GPC5: variants seen among roughly 807,000 people sequenced by gnomAD.
GPC5 encodes glypican 5.
GPC5 carries 47 observed loss-of-function variants against 53.9 expected under a neutral mutation model. The observed-to-expected ratio is 0.87, with a 90% CI of 0.69 to 1.11. The LOEUF is 1.11. Ranked by LOEUF, GPC5 falls within the 50% of genes most tolerant of loss-of-function variation. GPC5 has a pLI of 0.00. For missense variants in GPC5, 748 were observed against 713.1 expected (o/e 1.05, Z -0.56); for synonymous variants, 286 against 263.3 (o/e 1.09, Z -0.84).
chr13:92,259,948 C>T (rs957605636), intron 7 of GPC5, among the ~76,000 whole-genome samples: 8 of 152,274 alleles, frequency 5.3e-5, no homozygotes, highest in African/African-American at 9.6e-5. Context: ...ACCCAAATCT[C>T]GTAGGGACAG....
intron 6 of GPC5, among the ~76,000 whole-genome samples, chr13:91,985,789 C>A (rs2040401251): frequency 2.0e-5 from 3 of 151,964 alleles, no homozygotes. Context: ...GTTATAAACC[C>A]TACAGGGGAA....
At chr13:92,520,606 A>T (rs986496346) in intron 7 of GPC5, among the ~76,000 whole-genome samples, 1 of 152,166 alleles carries the variant, frequency 6.6e-6, no homozygotes, top group Non-Finnish European at 1.5e-5. Context: ...ACTCTCAATA[A>T]ATTAGGTATT....
chr13:91,892,854 A>T (rs921035748), intron 5 of GPC5, among the ~76,000 whole-genome samples: 1 of 151,950 alleles, frequency 6.6e-6, no homozygotes, highest in Non-Finnish European at 1.5e-5. Context: ...TTTAAATTAA[A>T]CAAAAAGTTT....
At chr13:92,437,732 CTG>C (rs748823376) in intron 7 of GPC5, among the ~76,000 whole-genome samples, 3 of 151,954 alleles carry the variant, frequency 2.0e-5, no homozygotes, top group Non-Finnish European at 4.4e-5. Context: ...ATTGGGTCCT[CTG>C]TATAAATCTC....
intron 7 of GPC5, among the ~76,000 whole-genome samples, chr13:92,479,140 C>A (rs557247151): frequency 1.3e-5 from 2 of 152,004 alleles, no homozygotes; most frequent in South Asian, 4.2e-4. Context: ...AATTGAAAGT[C>A]CTATTTATAG....
intron 7 of GPC5, among the ~76,000 whole-genome samples, chr13:92,162,585 C>A (rs114026458): frequency 6.6e-6 from 1 of 152,118 alleles, no homozygotes; most frequent in Non-Finnish European, 1.5e-5. Context: ...ACTACAAAAA[C>A]GTGAAGCAGA....
intron 5 of GPC5, among the ~76,000 whole-genome samples, chr13:91,785,341 T>A (rs2037861554): frequency 6.6e-6 from 1 of 152,176 alleles, no homozygotes; most frequent in African/African-American, 2.4e-5. Flanking sequence ...TAGATGCCAC[T>A]AGTAATTCAT....
At chr13:92,133,489 GT>G (rs2041761139) in intron 6 of GPC5, among the ~76,000 whole-genome samples, 1 of 152,156 alleles carries the variant, frequency 6.6e-6, no homozygotes, top group Non-Finnish European at 1.5e-5. Context: ...CCAAAACCAA[GT>G]TTTAAAGGAA....
At chr13:91,915,233 A>G (rs1221389336) in intron 6 of GPC5, among the ~76,000 whole-genome samples, 1 of 152,214 alleles carries the variant, frequency 6.6e-6, no homozygotes, top group Non-Finnish European at 1.5e-5. Context: ...TGCACGCTCA[A>G]TAACTTTCAA....
chr13:91,657,091 T>C (rs1443235701), intron 2 of GPC5, among the ~76,000 whole-genome samples: 1 of 152,128 alleles, frequency 6.6e-6, no homozygotes, highest in African/African-American at 2.4e-5. Context: ...CATGGAATGT[T>C]TTAAGCAAGG....
At chr13:92,697,268 A>G (rs1311491842) in intron 7 of GPC5, among the ~76,000 whole-genome samples, 1 of 152,176 alleles carries the variant, frequency 6.6e-6, no homozygotes, top group Non-Finnish European at 1.5e-5. Flanking sequence ...GATAGCATTG[A>G]ATCTATAAAT....
chr13:91,838,553 G>A (rs1042681073), intron 5 of GPC5, among the ~76,000 whole-genome samples: 7 of 151,946 alleles, frequency 4.6e-5, no homozygotes, highest in African/African-American at 1.7e-4. Flanking sequence ...AAAGGGATGA[G>A]AGAAGAACCC....
chr13:92,237,257 G>A (rs1207559850), intron 7 of GPC5, among the ~76,000 whole-genome samples: 1 of 152,086 alleles, frequency 6.6e-6, no homozygotes. Context: ...GTCTCACTCT[G>A]TTGCCAGGCT....
chr13:91,666,759 T>C (rs76710683), intron 2 of GPC5, among the ~76,000 whole-genome samples: 5,061 of 152,280 alleles, frequency 0.033, 144 homozygotes, highest in African/African-American at 0.066. Flanking sequence ...TTTTCTACTT[T>C]AGATGGCTAA....
At chr13:92,316,466 T>C (rs2043179845) in intron 7 of GPC5, among the ~76,000 whole-genome samples, 1 of 152,138 alleles carries the variant, frequency 6.6e-6, no homozygotes, top group South Asian at 2.1e-4. Flanking sequence ...GTATAATTAC[T>C]TTTTTGCCAT....
At chr13:92,544,540 T>G (rs1260589891) in intron 7 of GPC5, among the ~76,000 whole-genome samples, 3 of 152,170 alleles carry the variant, frequency 2.0e-5, no homozygotes, top group Non-Finnish European at 4.4e-5. Flanking sequence ...TTATTTTTTC[T>G]CAGCTCTTAC....
intron 6 of GPC5, among the ~76,000 whole-genome samples, chr13:92,119,440 C>T (rs1292665275): frequency 7.9e-6 from 1 of 126,512 alleles, no homozygotes; most frequent in East Asian, 2.5e-4. Flanking sequence ...GCTCTTTCAC[C>T]CAAGCTGGAG....
At chr13:92,659,821 A>C (rs1287808821) in intron 7 of GPC5, among the ~76,000 whole-genome samples, 1 of 152,204 alleles carries the variant, frequency 6.6e-6, no homozygotes, top group Non-Finnish European at 1.5e-5. Flanking sequence ...GTGATAGCTG[A>C]TCTGGGATAT....
rs75664570 is a variant in GPC5 at position 91,481,738 on chromosome 13, C to T, written c.325+32816C>T. 5.3e-3 allele frequency among the ~76,000 whole-genome samples: 808 copies of T among 152,246 alleles called. 9 individuals are homozygous for T. The highest frequency in any genetic ancestry group is 0.018 in the African/African-American group (764 of 41,554). On this transcript the variant is annotated intron_variant, in intron 2 of 7. Coordinates refer to ENST00000377067, the MANE Select transcript of GPC5 (RefSeq NM_004466.6). ...ATAGCACCTAGTTTTTGGTGGCAGT[C>T]TGGGTTGAATGGTCACCTAATGTCT... is the stretch of plus-strand genomic sequence containing the variant.
Sources: gnomAD v4.1 joint callset for allele counts (sites outside exome capture counted in the v4.1 genomes callset) on GRCh38, gnomAD v4.1.1 for gene constraint, MANE v1.5 for transcripts, NCBI Gene and HGNC (gene_info 2026-07-23, HGNC 2026-07-21) for gene names.